Variants in CIT observed in about 807,000 individuals in gnomAD.
The protein encoded by CIT is citron rho-interacting serine/threonine kinase.
CIT carries 79 observed loss-of-function variants against 272.7 expected under a neutral mutation model. That is an observed-to-expected ratio of 0.29 (90% CI 0.24 to 0.35). The LOEUF is 0.35. Among genes scored for constraint, CIT ranks in the 10% least tolerant of loss-of-function variants. CIT has a pLI of 1.00. For missense variants in CIT, 1,909 were observed against 2,618.3 expected, an observed-to-expected ratio of 0.73 and a Z score of 5.91; for synonymous variants, 948 against 995.6, an observed-to-expected ratio of 0.95 and a Z score of 0.90.
chr12:119,796,802 T>A (rs571555896), intron 10 of CIT, among the ~76,000 whole-genome samples: 2 of 152,032 alleles, frequency 1.3e-5, no homozygotes, highest in Non-Finnish European at 2.9e-5. Context: ...AGAGTGAGAA[T>A]GACAGTCAGA....
In CIT at chr12:119,776,792, T is replaced by C. The variant is rs1420088815; in HGVS notation, c.1716A>G (p.Glu572=). The C allele has an allele frequency of 9.9e-6, 16 of 1,614,110 alleles. No homozygotes were observed. The highest frequency in any genetic ancestry group is 1.7e-5 in the Admixed American group (1 of 60,022). The change falls in exon 14 of 48, where the codon GAA becomes GAG. Residue 572 remains glutamate, a synonymous_variant. Coordinates refer to ENST00000392521, the MANE Select transcript of CIT (RefSeq NM_001206999.2). ...GTCTTCTTGCTGAGACAAGATCCTC[T>C]TCCAACTGATTCATCATCAACCTCA... is the stretch of plus-strand genomic sequence containing the variant. The part of the protein sequence containing the change: ...EEMRLMMNQL[E]EDLVSARRRS...
rs777241856 is a variant in CIT, at chr12:119,865,345, G to A, written c.238+3715C>T. The stretch of plus-strand genomic sequence containing the variant: ...ACATAACTTCCTTCCCCTCCCACTC[G>A]CTACTTATAAATTTAAATATTCACA... On this transcript the variant is annotated intron_variant, in intron 3 of 47. Coordinates refer to ENST00000392521, the MANE Select transcript of CIT (RefSeq NM_001206999.2). Among the ~76,000 whole-genome samples the A allele has an allele frequency of 5.9e-5, 9 of 152,030 alleles. No homozygotes were observed. In the East Asian group the frequency reaches 1.2e-3, roughly 19 times the overall value.
intron 7 of CIT, among the ~76,000 whole-genome samples, chr12:119,831,793 CA>C (rs1347418761): frequency 6.6e-6 from 1 of 152,052 alleles, no homozygotes; most frequent in Non-Finnish European, 1.5e-5. Context: ...GGCGTGAACC[CA>C]GGGGGGCGGA....
At chr12:119,736,511 A>G (rs1245354349) in intron 24 of CIT, among the ~76,000 whole-genome samples, 1 of 152,244 alleles carries the variant, frequency 6.6e-6, no homozygotes, top group African/African-American at 2.4e-5. Context: ...CTTTTAGTGT[A>G]TGGTCTAATG....
At chr12:119,850,982 A>G (rs1180994386) in intron 4 of CIT, among the ~76,000 whole-genome samples, 3 of 152,236 alleles carry the variant, frequency 2.0e-5, no homozygotes, top group Non-Finnish European at 4.4e-5. Flanking sequence ...TATTAAGGGT[A>G]TAATGTCAGA....
At chr12:119,791,672 C>A (rs900446027) in intron 10 of CIT, among the ~76,000 whole-genome samples, 1 of 152,204 alleles carries the variant, frequency 6.6e-6, no homozygotes, top group East Asian at 1.9e-4. Flanking sequence ...CGCAGCCACC[C>A]GCCCACACAC....
chr12:119,697,954 C>T lies in CIT; in HGVS notation c.5702+22G>A, dbSNP rs145997090. ...CTACCCCAATAGCTGAAGTTTTCCACGCATGGGAGGACAATGCTTACCCTG... is the reference window on the plus strand; with the variant it reads ...CTACCCCAATAGCTGAAGTTTTCCATGCATGGGAGGACAATGCTTACCCTG... On this transcript the variant is annotated intron_variant, in intron 45 of 47. Transcript: ENST00000392521. This position sits in a 1 kb window ranked among gnomAD's most constrained non-coding sequence, Gnocchi z 4.9. 9.7e-5 allele frequency: 156 copies of T among 1,613,878 alleles called. 2 individuals carry two copies. The Middle Eastern group carries it at 2.0e-3, about 20-fold the overall frequency.
In CIT at chr12:119,770,664, CTCAAT is replaced by C. The variant is rs1241235690; in HGVS notation, c.2208+116_2208+120del. ...TGTGGCATATGCTGAAACCACCTCA[CTCAAT>C]TCATCTACTTGGAGATACCTCCCTT... On this transcript the variant is annotated intron_variant, in intron 18 of 47. Coordinates refer to ENST00000392521, the MANE Select transcript of CIT (RefSeq NM_001206999.2). This position sits in a 1 kb window ranked among gnomAD's most constrained non-coding sequence, Gnocchi z 4.4. The C allele has an allele frequency of 8.6e-7, 1 of 1,161,306 alleles. No homozygotes were observed. The highest frequency in any genetic ancestry group is 1.2e-6 in the Non-Finnish European group (1 of 802,520). The allele number at this position is 1,161,306 out of a possible 1,614,324, so 71.9% of individuals were successfully genotyped here. A position where few individuals can be genotyped will look rare whatever the true frequency, so the allele number is the denominator to read the frequency against.
At chr12:119,769,575 C>T (rs867648294) in intron 18 of CIT, among the ~76,000 whole-genome samples, 13 of 152,048 alleles carry the variant, frequency 8.5e-5, no homozygotes, top group Non-Finnish European at 1.3e-4. Flanking sequence ...GGGACAGCAG[C>T]GGTGGGATCT....
intron 4 of CIT, among the ~76,000 whole-genome samples, chr12:119,855,643 T>G (rs1331362065): frequency 6.6e-6 from 1 of 152,158 alleles, no homozygotes; most frequent in East Asian, 1.9e-4. Flanking sequence ...AGGACCCTAC[T>G]TTTCTTTTCT....
At chr12:119,794,216 T>C (rs990910944) in intron 10 of CIT, among the ~76,000 whole-genome samples, 2 of 152,194 alleles carry the variant, frequency 1.3e-5, no homozygotes, top group African/African-American at 4.8e-5. Context: ...AGTAAAGACC[T>C]TACCTGTCTT....
intron 22 of CIT, 65 bp from the exon 23 acceptor site, chr12:119,752,312 G>C: frequency 7.0e-7 from 1 of 1,435,300 alleles, no homozygotes. Flanking sequence ...AAGAGAAAGT[G>C]AAGACATGAC....
intron 5 of CIT, among the ~76,000 whole-genome samples, chr12:119,838,082 G>A (rs554483774): frequency 6.6e-6 from 1 of 151,634 alleles, no homozygotes; most frequent in Non-Finnish European, 1.5e-5. Flanking sequence ...GTTTTTTTGG[G>A]TTTTTTTTGA....
At chr12:119,738,224 G>A (rs922916954) in intron 24 of CIT, among the ~76,000 whole-genome samples, 5 of 152,158 alleles carry the variant, frequency 3.3e-5, no homozygotes, top group Non-Finnish European at 5.9e-5. Flanking sequence ...GGATAGAAGT[G>A]TTTATTCACT....
chr12:119,731,271 T>C (rs1958421045), intron 26 of CIT, among the ~76,000 whole-genome samples: 1 of 151,996 alleles, frequency 6.6e-6, no homozygotes, highest in Non-Finnish European at 1.5e-5. Flanking sequence ...GGTCAAGAGT[T>C]CGAGACCAGC....
chr12:119,795,622 T>C (rs540360155), intron 10 of CIT, among the ~76,000 whole-genome samples: 48 of 152,306 alleles, frequency 3.2e-4, no homozygotes, highest in African/African-American at 1.1e-3. Context: ...GACAAGTCCA[T>C]AACTCCTGCA....
intron 4 of CIT, 94 bp downstream of exon 4, chr12:119,857,429 G>A (rs775528710): frequency 8.5e-5 from 109 of 1,278,270 alleles, no homozygotes; most frequent in Non-Finnish European, 1.1e-4. Flanking sequence ...AGGAAAACGT[G>A]CTTGATCCTA....
At chr12:119,747,360 G>A (rs1047830618) in intron 23 of CIT, among the ~76,000 whole-genome samples, 1 of 151,218 alleles carries the variant, frequency 6.6e-6, no homozygotes, top group African/African-American at 2.4e-5. Flanking sequence ...GGTGGAGGTT[G>A]CAGTGAGCCA....
chr12:119,793,258 A>G (rs1378535144), intron 10 of CIT, among the ~76,000 whole-genome samples: 1 of 152,174 alleles, frequency 6.6e-6, no homozygotes, highest in Non-Finnish European at 1.5e-5. Context: ...CTCCAGAATC[A>G]TTTATCAAAA....
Sources: gnomAD v4.1 joint callset for allele counts (sites outside exome capture counted in the v4.1 genomes callset) on GRCh38, gnomAD v4.1.1 for gene constraint, Gnocchi (gnomAD v3.1) non-coding constraint, MANE v1.5 for transcripts, NCBI Gene and HGNC (gene_info 2026-07-23, HGNC 2026-07-21) for gene names.